The following THAP8 variants were observed in gnomAD, a reference collection of about 807,000 sequenced individuals.
The protein encoded by THAP8 is THAP domain-containing protein 8.
Under a neutral mutation model 25.0 loss-of-function variants are expected in THAP8, and 24 were observed. The ratio of observed to expected loss-of-function variants is 0.96; its 90% CI spans 0.69 to 1.35. The LOEUF is 1.35. THAP8 is among the 40% of genes most tolerant of loss of function. The pLI is 0.00. For synonymous variants in THAP8, 169 were observed against 157.6 expected, an observed-to-expected ratio of 1.07 and a Z score of -0.54; for missense variants, 399 against 368.8, an observed-to-expected ratio of 1.08 and a Z score of -0.67.
At chr19:36,054,645 G>C (rs1970239655), upstream of THAP8, 1 of 552,688 alleles carries the variant, frequency 1.8e-6, no homozygotes, top group African/African-American at 1.9e-5. Flanking sequence ...CCGAGGTGAG[G>C]CGGCCGTGGC....
chr19:36,043,690 C>T (rs1258041623), intron 1 of THAP8, among the ~76,000 whole-genome samples: 1 of 152,058 alleles, frequency 6.6e-6, no homozygotes, highest in African/African-American at 2.4e-5. Context: ...AAGTTCAAGA[C>T]CAGCCTGGCC....
At chr19:36,045,097 TA>T (rs1215973120) in intron 1 of THAP8, among the ~76,000 whole-genome samples, 1 of 148,296 alleles carries the variant, frequency 6.7e-6, no homozygotes, top group Non-Finnish European at 1.5e-5. Context: ...TTATTTAATT[TA>T]TTTTTTTGAG....
rs201068048 is a variant in THAP8 at position 36,039,703 on chromosome 19, G to A, written c.292C>T (p.Arg98Ter). Reference sequence around the variant, plus strand: ...GGCGAGACTGGCTTCTGGGTGCTTCGGGTCCTCCGCTGACTCTGGAAGACA... The same window carrying A: ...GGCGAGACTGGCTTCTGGGTGCTTCAGGTCCTCCGCTGACTCTGGAAGACA... ...GPPAKSQRRTRSTQKPVSPPP... is the reference protein window; with the variant it reads ...GPPAKSQRRT Residue 98 changes from arginine (R) to a stop codon, truncating the protein, a stop_gained, in exon 3 of 4, where the codon CGA becomes TGA. Coordinates refer to ENST00000292894, the MANE Select transcript of THAP8 (RefSeq NM_152658.3). LOFTEE classifies it high-confidence loss of function. The A allele has an allele frequency of 7.5e-4, 1,149 of 1,522,502 alleles. 3 individuals are homozygous for A. Among genetic ancestry groups the A allele is most frequent in the South Asian group, 3.2e-3 (250 of 78,664 alleles). The allele number at this position is 1,522,502 out of a possible 1,614,324, so 94.3% of individuals were successfully genotyped here.
At chr19:36,047,366 G>C (rs1171417645) in intron 1 of THAP8, among the ~76,000 whole-genome samples, 1 of 152,188 alleles carries the variant, frequency 6.6e-6, no homozygotes, top group Non-Finnish European at 1.5e-5. Context: ...TTCTGGGAAG[G>C]CCTTATAAAG....
intron 1 of THAP8, among the ~76,000 whole-genome samples, chr19:36,049,795 G>A (rs1970002548): frequency 6.6e-6 from 1 of 152,216 alleles, no homozygotes; most frequent in Non-Finnish European, 1.5e-5. Flanking sequence ...GCTCACGCCT[G>A]TAATCCCAGT....
chr19:36,036,701 G>A (rs1969460716), intron 3 of THAP8, among the ~76,000 whole-genome samples: 2 of 152,120 alleles, frequency 1.3e-5, no homozygotes, highest in South Asian at 4.1e-4. Flanking sequence ...AGCACTATAG[G>A]AGGCCGAGGT....
chr19:36,043,483 C>T (rs1302231644), intron 1 of THAP8, among the ~76,000 whole-genome samples: 1 of 152,110 alleles, frequency 6.6e-6, no homozygotes, highest in Non-Finnish European at 1.5e-5. Flanking sequence ...CAACACTTAA[C>T]ATTAGTGAAT....
intron 1 of THAP8, among the ~76,000 whole-genome samples, chr19:36,053,243 T>C (rs1424870625): frequency 1.3e-5 from 2 of 151,658 alleles, no homozygotes; most frequent in Non-Finnish European, 2.9e-5. Flanking sequence ...AATTTTTGTA[T>C]TTTTAGTAGA....
chr19:36,047,172 C>A (rs1195040659), intron 1 of THAP8, among the ~76,000 whole-genome samples: 1 of 152,178 alleles, frequency 6.6e-6, no homozygotes, highest in Admixed American at 6.6e-5. Context: ...CTATTTTAGT[C>A]TTGCTGGTCA....
chr19:36,039,351 G>A lies in THAP8; in HGVS notation c.644C>T (p.Ala215Val), dbSNP rs1356640930. 3.3e-6 allele frequency: 5 copies of A among 1,528,844 alleles called. No individual in the cohort carries two copies. The Admixed American group carries it at 8.0e-5, about 24-fold the overall frequency. 94.7% of individuals were successfully genotyped at this position (1,528,844 alleles called of 1,614,324 possible). The change falls in exon 3 of 4, where the codon GCA (alanine) becomes GTA (valine). Residue 215 changes from alanine (A) to valine (V), a missense_variant. Physicochemically the swap from Ala to Val is moderately conservative, Grantham distance 64 (BLOSUM62 0). Coordinates refer to ENST00000292894, the MANE Select transcript of THAP8 (RefSeq NM_152658.3). ...GCGCTGCAGACCCCGGCGTGCCCGT[G>A]CCAGCAGGCTCTCCCCGTGTAGCTG... ...AQQLHGESLL[A>V]RARRGLQRLT... is the part of the protein sequence containing the mutation.
intron 1 of THAP8, among the ~76,000 whole-genome samples, chr19:36,050,514 G>A (rs1266987995): frequency 6.6e-6 from 1 of 152,184 alleles, no homozygotes; most frequent in African/African-American, 2.4e-5. Flanking sequence ...TTGTCAAGGT[G>A]TTAGAGATTT....
At chr19:36,041,163 T>G (rs534207203) in intron 1 of THAP8, among the ~76,000 whole-genome samples, 2 of 150,050 alleles carry the variant, frequency 1.3e-5, no homozygotes, top group South Asian at 2.1e-4. Flanking sequence ...AAAAAAAAAA[T>G]TAGCCATGTA....
At chr19:36,041,344 G>A (rs1969687452) in intron 1 of THAP8, among the ~76,000 whole-genome samples, 1 of 151,858 alleles carries the variant, frequency 6.6e-6, no homozygotes, top group Non-Finnish European at 1.5e-5. Flanking sequence ...ATTTTGCTAG[G>A]TGTGATAACT....
intron 3 of THAP8, among the ~76,000 whole-genome samples, chr19:36,037,501 A>G (rs1414789209): frequency 6.6e-6 from 1 of 152,174 alleles, no homozygotes; most frequent in South Asian, 2.1e-4. Flanking sequence ...CCTCTTCTGC[A>G]GCCAGACACC....
At position 36,035,297 on chromosome 19, in the gene THAP8, G is replaced by C; in HGVS notation, c.*143C>G. 1 of 1,067,240 alleles carries C rather than the reference G, an allele frequency of 9.4e-7. No individual in the cohort carries two copies. Among genetic ancestry groups the C allele is most frequent in the Non-Finnish European group, 1.3e-6 (1 of 757,334 alleles). 66.1% of individuals were successfully genotyped at this position (1,067,240 alleles called of 1,614,324 possible). Reference sequence around the variant, plus strand: ...CCCCTAAGGTTCAAGAGATCCCTAGGAGTGGGGTGGTAGAACCCAGGCCCT... The same window carrying C: ...CCCCTAAGGTTCAAGAGATCCCTAGCAGTGGGGTGGTAGAACCCAGGCCCT... On this transcript the variant is annotated 3_prime_UTR_variant, in exon 4 of 4. Transcript: ENST00000292894.
intron 3 of THAP8, among the ~76,000 whole-genome samples, chr19:36,037,815 T>A (rs1360992264): frequency 1.3e-5 from 2 of 151,962 alleles, no homozygotes; most frequent in Admixed American, 6.6e-5. Flanking sequence ...ACTTTTTGTA[T>A]GTTTAGTAGA....
At chr19:36,047,452 A>C (rs1969915416) in intron 1 of THAP8, among the ~76,000 whole-genome samples, 1 of 152,200 alleles carries the variant, frequency 6.6e-6, no homozygotes, top group Admixed American at 6.5e-5. Context: ...GAATGGTGGC[A>C]GTGGTGGCTG....
chr19:36,039,178 A>C (rs765270903), intron 3 of THAP8, 145 bp downstream of exon 3: 2 of 1,183,680 alleles, frequency 1.7e-6, no homozygotes, highest in Non-Finnish European at 2.2e-6. Flanking sequence ...TACAGGCGTG[A>C]GCCACTGAGC....
chr19:36,050,443 C>T (rs139668842), intron 1 of THAP8, among the ~76,000 whole-genome samples: 110 of 152,272 alleles, frequency 7.2e-4, no homozygotes, highest in African/African-American at 2.5e-3. Context: ...CACGCCCAGC[C>T]TATCTTTCCT....
Sources: gnomAD v4.1 joint callset for allele counts (sites outside exome capture counted in the v4.1 genomes callset) on GRCh38, gnomAD v4.1.1 for gene constraint, MANE v1.5 for transcripts, NCBI Gene and HGNC (gene_info 2026-07-23, HGNC 2026-07-21) for gene names.